Variants in SLC6A4 observed in about 807,000 individuals in gnomAD.
SLC6A4 encodes the protein solute carrier family 6 member 4.
A neutral mutation model predicts 73.4 loss-of-function variants in SLC6A4; 22 were observed. That is an observed-to-expected ratio of 0.30 (90% CI 0.21 to 0.43). The LOEUF (loss-of-function observed/expected upper bound fraction) is 0.43. Ranked by LOEUF, SLC6A4 falls within the 20% of genes least tolerant of loss-of-function variation. SLC6A4 has a pLI of 1.00. For synonymous variants in SLC6A4, 270 were observed against 315.5 expected (o/e 0.86, Z 1.53); for missense variants, 593 against 808.5 (o/e 0.73, Z 3.23).
chr17:30,232,924 G>A (rs905155690), intron 1 of SLC6A4, among the ~76,000 whole-genome samples: 4 of 152,212 alleles, frequency 2.6e-5, no homozygotes, highest in African/African-American at 9.6e-5. Flanking sequence ...GGCTGTGCAG[G>A]CCAATGGTGG....
At chr17:30,217,793 A>G (rs1906624723) in intron 5 of SLC6A4, among the ~76,000 whole-genome samples, 1 of 152,226 alleles carries the variant, frequency 6.6e-6, no homozygotes, top group East Asian at 1.9e-4. Context: ...AAGTACTAGG[A>G]TGCTTCGCCT....
intron 1 of SLC6A4, among the ~76,000 whole-genome samples, chr17:30,227,024 G>C (rs187641545): frequency 6.6e-6 from 1 of 152,346 alleles, no homozygotes; most frequent in African/African-American, 2.4e-5. Context: ...CACACATCCC[G>C]TGGTGAACAG....
At chr17:30,208,487 C>T (rs954226741) in intron 12 of SLC6A4, among the ~76,000 whole-genome samples, 1 of 151,936 alleles carries the variant, frequency 6.6e-6, no homozygotes, top group Non-Finnish European at 1.5e-5. Context: ...CCCGAGAGGT[C>T]CCAGCAGTTC....
chr17:30,229,947 A>G (rs2143016422), intron 1 of SLC6A4, among the ~76,000 whole-genome samples: 1 of 152,072 alleles, frequency 6.6e-6, no homozygotes, highest in Admixed American at 6.6e-5. Flanking sequence ...TGAACCCAGG[A>G]GGCAGAGGTT....
At chr17:30,209,376 G>C (rs981773953) in intron 11 of SLC6A4, 134 bp from the exon 12 acceptor site, 2 of 603,706 alleles carry the variant, frequency 3.3e-6, no homozygotes, top group African/African-American at 3.7e-5. Context: ...GAGTACCCCA[G>C]AAACTGCCTC....
chr17:30,231,261 A>G lies in SLC6A4; in HGVS notation c.-221+4352T>C, dbSNP rs866885276. Among the ~76,000 whole-genome samples, 9 of 151,946 alleles carry G rather than the reference A, an allele frequency of 5.9e-5. No homozygotes were observed. The Middle Eastern group carries it at 0.01, about 177-fold the overall frequency. Reference sequence around the variant, plus strand: ...TGCAAACTCTCAAAGGTTCAACTATATATATTAGTTGAACCTATATATATA... The same window carrying G: ...TGCAAACTCTCAAAGGTTCAACTATGTATATTAGTTGAACCTATATATATA... On this transcript the variant is annotated intron_variant, in intron 1 of 14. Transcript: ENST00000650711.
chr17:30,209,354 G>A, intron 11 of SLC6A4, 112 bp from the exon 12 acceptor site: 3 of 675,098 alleles, frequency 4.4e-6, no homozygotes, highest in Non-Finnish European at 7.6e-6. Flanking sequence ...AATCCCACCT[G>A]GGACCGAACG....
chr17:30,197,143 G>A lies in SLC6A4; in HGVS notation c.*1313C>T, dbSNP rs201574200. On this transcript the variant is annotated 3_prime_UTR_variant, in exon 15 of 15. Coordinates refer to ENST00000650711, the MANE Select transcript of SLC6A4 (RefSeq NM_001045.6). The stretch of plus-strand genomic sequence containing the variant: ...CTCTACCTACGCCTCTGAGAGTCAC[G>A]AGACACCAAAGGCCAAATTTACTTA... 49 of 152,402 alleles carry A rather than the reference G, an allele frequency of 3.2e-4. No homozygotes were observed. The highest frequency in any genetic ancestry group is 1.1e-3 in the African/African-American group (46 of 41,544). The allele number at this position is 152,402 out of a possible 1,614,324, so 9.4% of individuals were successfully genotyped here.
rs558331772 is a variant in SLC6A4, at chr17:30,198,664, C to T, written c.1819-134G>A. ...CTAAGAGCGAGTTGGAATAGTCTCA[C>T]TGACATTCCTTAGGAAAAGAATTCC... On this transcript the variant is annotated intron_variant, in intron 14 of 14. Coordinates refer to ENST00000650711, the MANE Select transcript of SLC6A4 (RefSeq NM_001045.6). The T allele has an allele frequency of 9.1e-6, 5 of 548,090 alleles. No homozygotes were observed. In the South Asian group the frequency reaches 1.1e-4, roughly 12 times the overall value. 34.0% of individuals were successfully genotyped at this position (548,090 alleles called of 1,614,324 possible). A position where few individuals can be genotyped will look rare whatever the true frequency, so the allele number is the denominator to read the frequency against.
chr17:30,219,027 TGAGTGTCAG>T, intron 3 of SLC6A4, 96 bp from the exon 4 acceptor site: 1 of 1,499,210 alleles, frequency 6.7e-7, no homozygotes. Context: ...CCGGATGATG[TGAGTGTCAG>T]GAGCCACCCT....
At chr17:30,207,662 A>G in intron 13 of SLC6A4, 70 bp downstream of exon 13, 1 of 1,056,486 alleles carries the variant, frequency 9.5e-7, no homozygotes, top group Middle Eastern at 2.0e-4. Context: ...CAGCCATTAC[A>G]ATTCATTTTT....
intron 1 of SLC6A4, among the ~76,000 whole-genome samples, chr17:30,224,197 C>T (rs1906858672): frequency 6.6e-6 from 1 of 151,808 alleles, no homozygotes; most frequent in Non-Finnish European, 1.5e-5. Context: ...CCTTCCCTTG[C>T]TCTTCCTCCC....
Position 30,222,823 on chromosome 17 carries a change from T to G in SLC6A4, c.-128A>C. The G allele has an allele frequency of 1.5e-6, 2 of 1,304,648 alleles. No homozygotes were observed. The highest frequency in any genetic ancestry group is 2.0e-6 in the Non-Finnish European group (2 of 988,956). 80.8% of individuals were successfully genotyped at this position (1,304,648 alleles called of 1,614,324 possible). On this transcript the variant is annotated 5_prime_UTR_variant, in exon 2 of 15. Transcript: ENST00000650711. The stretch of plus-strand genomic sequence containing the variant: ...TTAAACGGCACTGCTGCTCACCATT[T>G]GTTCTTCTTTCCACTTGCCAGCAAC...
At chr17:30,226,856 G>C (rs1190007869) in intron 1 of SLC6A4, among the ~76,000 whole-genome samples, 3 of 109,280 alleles carry the variant, frequency 2.7e-5, no homozygotes, top group African/African-American at 9.6e-5. Context: ...CTGGGCGATA[G>C]AGTGAGACTC....
chr17:30,209,278 C>CA, intron 11 of SLC6A4, 36 bp from the exon 12 acceptor site: 1 of 1,318,958 alleles, frequency 7.6e-7, no homozygotes, highest in Non-Finnish European at 1.1e-6. Flanking sequence ...GAGGGCCCTC[C>CA]AAGGAGCCAC....
At position 30,203,155 on chromosome 17, in the gene SLC6A4, C is replaced by T. The variant is rs768794800; in HGVS notation, c.1818+17G>A. On this transcript the variant is annotated intron_variant, in intron 14 of 14. Coordinates refer to ENST00000650711, the MANE Select transcript of SLC6A4 (RefSeq NM_001045.6). ...AGTAGTCTGAACACACACATATACA[C>T]ACTAACTAGCACGTACCTCTTTAAA... 3 of 1,594,590 alleles carry T rather than the reference C, an allele frequency of 1.9e-6. No homozygotes were observed. In the South Asian group the frequency reaches 3.3e-5, roughly 18 times the overall value.
chr17:30,220,890 T>A (rs1405731109), intron 3 of SLC6A4, among the ~76,000 whole-genome samples: 2 of 151,732 alleles, frequency 1.3e-5, no homozygotes, highest in East Asian at 3.8e-4. Flanking sequence ...TGAGGTCAGG[T>A]TTGGGAGGGC....
At chr17:30,215,784 C>A in intron 7 of SLC6A4, 70 bp from the exon 8 acceptor site, 2 of 1,330,398 alleles carry the variant, frequency 1.5e-6, no homozygotes, top group South Asian at 1.2e-5. Flanking sequence ...CCAACAGGGT[C>A]GCCACTCCTG....
At chr17:30,209,036 C>T (rs867034804) in intron 12 of SLC6A4, 107 bp downstream of exon 12, 3 of 738,642 alleles carry the variant, frequency 4.1e-6, no homozygotes, top group Middle Eastern at 2.4e-4. Flanking sequence ...CGGGAGGTCA[C>T]ATCTTGTAAA....
Sources: gnomAD v4.1 joint callset for allele counts (sites outside exome capture counted in the v4.1 genomes callset) on GRCh38, gnomAD v4.1.1 for gene constraint, MANE v1.5 for transcripts, NCBI Gene and HGNC (gene_info 2026-07-23, HGNC 2026-07-21) for gene names.